CCP110: variants seen among roughly 807,000 people sequenced by gnomAD.
The protein encoded by CCP110 is centriolar coiled-coil protein of 110 kDa.
A neutral mutation model predicts 105.5 loss-of-function variants in CCP110; 43 were observed. The observed-to-expected ratio is 0.41, with a 90% CI of 0.32 to 0.53. CCP110 has a LOEUF of 0.53. CCP110 is among the 20% of genes least tolerant of loss of function. CCP110 has a pLI of 0.32. For missense variants in CCP110, 1,016 were observed against 1,189.1 expected (o/e 0.85, Z 2.14); for synonymous variants, 353 against 392.1 (o/e 0.90, Z 1.18).
rs8054531 is a variant in CCP110, at chr16:19,544,847, A to G, written c.2535A>G (p.Arg845=). ...TTCAGTCAGAAGCACCATTAAAGAG[A>G]GGCATTGTTTCAGCTCAAGATGCTT... Residue 845 remains arginine (R), a synonymous_variant, in exon 9 of 15, where the codon AGA becomes AGG. Coordinates refer to ENST00000381396, the Ensembl canonical transcript of CCP110. The G allele has an allele frequency of 2.5e-3, 4,007 of 1,607,060 alleles. 108 individuals are homozygous for G. In the African/African-American group the frequency reaches 0.047, roughly 19 times the overall value.
intron 2 of CCP110, 108 bp downstream of exon 2, chr16:19,528,130 C>A: frequency 1.1e-6 from 1 of 880,346 alleles, no homozygotes; most frequent in Non-Finnish European, 1.7e-6. Context: ...TGCCCTCATT[C>A]AGAATTAGAG....
exon 4 of CCP110, chr16:19,535,996 C>T (rs556529548): frequency 6.2e-7 from 1 of 1,613,876 alleles, no homozygotes; most frequent in African/African-American, 1.3e-5. Flanking sequence ...AAACAGTTTA[C>T]TCTAATTCAG....
At chr16:19,528,126 C>T (rs2151460268) in intron 2 of CCP110, 104 bp downstream of exon 2, 1 of 904,340 alleles carries the variant, frequency 1.1e-6, no homozygotes, top group Non-Finnish European at 1.6e-6. Context: ...GAGATGCCCT[C>T]ATTCAGAATT....
chr16:19,544,373 C>T (rs909758194), intron 8 of CCP110, among the ~76,000 whole-genome samples: 2 of 152,152 alleles, frequency 1.3e-5, no homozygotes, highest in Admixed American at 6.5e-5. Context: ...TTAGTACAGT[C>T]GGTCCTCTAT....
At chr16:19,544,995 T>A in intron 9 of CCP110, 97 bp downstream of exon 9, 1 of 994,432 alleles carries the variant, frequency 1.0e-6, no homozygotes, top group Non-Finnish European at 1.5e-6. Context: ...GAAAACTATT[T>A]TAATCTTTTT....
chr16:19,536,200 CAATATTAGTCATGTAGAA>C, exon 4 of CCP110: 1 of 1,614,030 alleles, frequency 6.2e-7, no homozygotes, highest in South Asian at 1.1e-5. Flanking sequence ...GTGATAGTTC[CAATATTAGTCATGTAGAA>C]AATGAAGCTT....
intron 1 of CCP110, chr16:19,524,995 C>G (rs924869531): frequency 5.3e-5 from 8 of 152,190 alleles, no homozygotes; most frequent in African/African-American, 1.9e-4. Context: ...CCGTGATCAT[C>G]CCTCTTTTAC....
chr16:19,544,316 A>G (rs1395343903), intron 8 of CCP110, among the ~76,000 whole-genome samples: 2 of 152,222 alleles, frequency 1.3e-5, no homozygotes, highest in African/African-American at 4.8e-5. Context: ...GACTTGCTTG[A>G]AAGTGAGTGG....
At chr16:19,543,074 G>C (rs908688810) in intron 8 of CCP110, 80 bp downstream of exon 8, 1 of 805,826 alleles carries the variant, frequency 1.2e-6, no homozygotes, top group Non-Finnish European at 2.1e-6. Flanking sequence ...TAACAGATTA[G>C]TTCAGAACTT....
chr16:19,544,131 C>T (rs1361867440), intron 8 of CCP110, among the ~76,000 whole-genome samples: 1 of 152,164 alleles, frequency 6.6e-6, no homozygotes, highest in Non-Finnish European at 1.5e-5. Context: ...CTCGGACGCC[C>T]AGCAGTAAAA....
chr16:19,540,621 G>A, intron 4 of CCP110, 36 bp from the exon 5 acceptor site: 1 of 1,576,652 alleles, frequency 6.3e-7, no homozygotes, highest in Non-Finnish European at 8.7e-7. Flanking sequence ...TTAGACTTGT[G>A]AATTTTCTAA....
chr16:19,542,613 T>C lies in CCP110; in HGVS notation c.2228-8T>C. The C allele has an allele frequency of 1.3e-6, 2 of 1,594,774 alleles. No homozygotes were observed. Among genetic ancestry groups the C allele is most frequent in the Non-Finnish European group, 1.7e-6 (2 of 1,162,742 alleles). On this transcript the variant is annotated splice_polypyrimidine_tract_variant and splice_region_variant and intron_variant, in intron 6 of 14. Coordinates refer to ENST00000381396, the Ensembl canonical transcript of CCP110. ...ATCAAGTATAATACTATATGTATGTTTCTCTAGGTTTCACAAATTCTGCCA... is the reference window on the plus strand; with the variant it reads ...ATCAAGTATAATACTATATGTATGTCTCTCTAGGTTTCACAAATTCTGCCA...
exon 8 of CCP110, chr16:19,542,911 A>C (rs1214026141): frequency 1.2e-6 from 2 of 1,613,150 alleles, no homozygotes; most frequent in Admixed American, 3.3e-5. Context: ...AAAATTTAAC[A>C]AAATAACTGC....
At chr16:19,530,451 G>A (rs1224537142) in intron 2 of CCP110, among the ~76,000 whole-genome samples, 1 of 152,118 alleles carries the variant, frequency 6.6e-6, no homozygotes, top group Non-Finnish European at 1.5e-5. Flanking sequence ...GCTGAGACCA[G>A]CCTGGCCAAC....
chr16:19,546,619 C>T (rs1970470121), intron 12 of CCP110, 145 bp downstream of exon 12: 4 of 509,318 alleles, frequency 7.9e-6, no homozygotes, highest in Non-Finnish European at 1.4e-5. Flanking sequence ...GAGTTTGAGA[C>T]CAGCCTGACC....
chr16:19,545,347 A>G, intron 10 of CCP110, 137 bp downstream of exon 10: 1 of 533,770 alleles, frequency 1.9e-6, no homozygotes, highest in Middle Eastern at 3.8e-4. Context: ...TACTAGCAGC[A>G]TTTAAATCTG....
At chr16:19,536,183 A>C (rs1404211740) in exon 4 of CCP110, 2 of 1,614,014 alleles carry the variant, frequency 1.2e-6, no homozygotes, top group Non-Finnish European at 1.7e-6. Flanking sequence ...TAATTCTCCG[A>C]AGCAATGTGA....
At chr16:19,535,162 G>A (rs1970006516) in intron 3 of CCP110, among the ~76,000 whole-genome samples, 1 of 152,092 alleles carries the variant, frequency 6.6e-6, no homozygotes, top group Non-Finnish European at 1.5e-5. Flanking sequence ...TTACAGGCGT[G>A]AGCCACCATG....
At chr16:19,536,996 G>C (rs779714453) in exon 4 of CCP110, 1 of 1,614,146 alleles carries the variant, frequency 6.2e-7, no homozygotes. Context: ...GGTTTATGTG[G>C]GCAAAAATAC....
Sources: gnomAD v4.1 joint callset for allele counts (sites outside exome capture counted in the v4.1 genomes callset) on GRCh38, gnomAD v4.1.1 for gene constraint, MANE v1.5 for transcripts, NCBI Gene and HGNC (gene_info 2026-07-23, HGNC 2026-07-21) for gene names.